SIGMAR1: variants seen among roughly 807,000 people sequenced by gnomAD.
SIGMAR1 encodes the protein SR31747 binding protein 1.
In SIGMAR1, 18 loss-of-function variants were observed where a neutral mutation model predicts 25.4. The observed-to-expected ratio is 0.71, with a 90% CI of 0.49 to 1.05. The LOEUF is 1.05. SIGMAR1 is among the 50% of genes least tolerant of loss of function. The pLI, the probability that SIGMAR1 is intolerant of heterozygous loss-of-function variation, is 0.00. For missense variants in SIGMAR1, 249 were observed against 301.6 expected (o/e 0.83, Z 1.29); for synonymous variants, 125 against 131.6 (o/e 0.95, Z 0.34).
intron 3 of SIGMAR1, among the ~76,000 whole-genome samples, chr9:34,636,125 CCTCA>C (rs772059876): frequency 6.6e-6 from 1 of 151,990 alleles, no homozygotes; most frequent in Non-Finnish European, 1.5e-5. Context: ...CACTCCCAAG[CCTCA>C]CTCGAATCAA....
rs992968446 is a variant in SIGMAR1 at position 34,634,771 on chromosome 9, G to C, written c.*861C>G. The C allele has an allele frequency of 6.6e-6, 1 of 152,158 alleles. No individual in the cohort carries two copies. Among genetic ancestry groups the C allele is most frequent in the African/African-American group, 2.4e-5 (1 of 41,334 alleles). 9.4% of individuals were successfully genotyped at this position (152,158 alleles called of 1,614,324 possible). A position where few individuals can be genotyped will look rare whatever the true frequency, so the allele number is the denominator to read the frequency against. On this transcript the variant is annotated 3_prime_UTR_variant, in exon 4 of 4. Transcript: ENST00000277010. ...TAATAGAAACAGACAGATGGACAGA[G>C]AATGCAGCAGGGGCTGTGTGAAAAC...
rs998601459 is a variant in SIGMAR1, at chr9:34,635,704, G to A, written c.600C>T (p.Phe200=). The A allele has an allele frequency of 6.2e-7, 1 of 1,614,162 alleles. No homozygotes were observed. Among genetic ancestry groups the A allele is most frequent in the African/African-American group, 1.3e-5 (1 of 74,962 alleles). ...VFSTQDFLTL[F]YTLRSYARGL... is the part of the protein sequence containing the mutation. ...CCCGAGCATAGGAGCGAAGAGTATAGAAGAGGGTGAGGAAGTCCTGGGTGC... is the reference window on the plus strand; with the variant it reads ...CCCGAGCATAGGAGCGAAGAGTATAAAAGAGGGTGAGGAAGTCCTGGGTGC... The change falls in exon 4 of 4, where the codon TTC becomes TTT. Residue 200 remains phenylalanine (F), a synonymous_variant. Coordinates refer to ENST00000277010, the MANE Select transcript of SIGMAR1 (RefSeq NM_005866.4). The surrounding 1 kb of genome is among the most constrained non-coding windows in gnomAD (Gnocchi z 4.5).
chr9:34,637,637 C>T lies in SIGMAR1; in HGVS notation c.61G>A (p.Val21Met), dbSNP rs1396152845. ...CAGAGCCAGACGACCTGGGTCAGCACCGCTGCGACAGCCAGGAGCAGCGCG... is the reference window on the plus strand; with the variant it reads ...CAGAGCCAGACGACCTGGGTCAGCATCGCTGCGACAGCCAGGAGCAGCGCG... ...WAALLLAVAA[V>M]LTQVVWLWLG... Residue 21 changes from valine (V) to methionine (M), a missense_variant, in exon 1 of 4, where the codon GTG (valine) becomes ATG (methionine). Coordinates refer to ENST00000277010, the MANE Select transcript of SIGMAR1 (RefSeq NM_005866.4). 4 of 1,539,224 alleles carry T rather than the reference C, an allele frequency of 2.6e-6. No individual in the cohort carries two copies. The highest frequency in any genetic ancestry group is 3.5e-6 in the Non-Finnish European group (4 of 1,147,574).
Position 34,635,602 on chromosome 9 carries a change from A to C in SIGMAR1, c.*30T>G, listed in dbSNP as rs764760106. 1 of 1,613,844 alleles carries C rather than the reference A, an allele frequency of 6.2e-7. No homozygotes were observed. Among genetic ancestry groups the C allele is most frequent in the Non-Finnish European group, 8.5e-7 (1 of 1,179,852 alleles). ...TGTGCGGGCCTGCCCGCTCCTGTCTATCCGCAGGTCTTCCTTCAGGCCTGG... is the reference window on the plus strand; with the variant it reads ...TGTGCGGGCCTGCCCGCTCCTGTCTCTCCGCAGGTCTTCCTTCAGGCCTGG... On this transcript the variant is annotated 3_prime_UTR_variant, in exon 4 of 4. Coordinates refer to ENST00000277010, the MANE Select transcript of SIGMAR1 (RefSeq NM_005866.4). The surrounding 1 kb of genome is among the most constrained non-coding windows in gnomAD (Gnocchi z 4.5).
At position 34,635,903 on chromosome 9, in the gene SIGMAR1, C is replaced by A; in HGVS notation, c.446-45G>T. The A allele has an allele frequency of 1.9e-6, 3 of 1,611,156 alleles. No homozygotes were observed. The highest frequency in any genetic ancestry group is 1.7e-4 in the Middle Eastern group (1 of 6,058). ...CAAGTGAAAAGCCAGCTCTGCCCTG[C>A]CCTTCCATGGCTGCTGCTTCCCTGG... On this transcript the variant is annotated intron_variant, in intron 3 of 3. Transcript: ENST00000277010. This position sits in a 1 kb window ranked among gnomAD's most constrained non-coding sequence, Gnocchi z 4.5.
rs772292887 is a variant in SIGMAR1, at chr9:34,637,427, GA to G, written c.152-8del. 1 of 1,600,960 alleles carries G rather than the reference GA, an allele frequency of 6.2e-7. No individual in the cohort carries two copies. The highest frequency in any genetic ancestry group is 8.5e-7 in the Non-Finnish European group (1 of 1,178,790). ...GCCAGCTCGTGGTCCAGCCCTGGCG[GA>G]GGCAGAGGGGCGGCGGAGTCAGGGC... is the stretch of plus-strand genomic sequence containing the variant. On this transcript the variant is annotated splice_region_variant and splice_polypyrimidine_tract_variant and intron_variant, in intron 1 of 3. Coordinates refer to ENST00000277010, the MANE Select transcript of SIGMAR1 (RefSeq NM_005866.4).
Position 34,637,787 on chromosome 9 carries a change from C to A in SIGMAR1, c.-90G>T, listed in dbSNP as rs916212439. On this transcript the variant is annotated 5_prime_UTR_variant, in exon 1 of 4. Coordinates refer to ENST00000277010, the MANE Select transcript of SIGMAR1 (RefSeq NM_005866.4). ...GGCCTCGGAGCCCGCCGGCTGCCCA[C>A]GAAGCGCTCCCCCGCCACCGCCGTG... The A allele has an allele frequency of 8.1e-6, 8 of 985,616 alleles. No individual in the cohort carries two copies. Among genetic ancestry groups the A allele is most frequent in the African/African-American group, 1.7e-5 (1 of 57,794 alleles). The allele number at this position is 985,616 out of a possible 1,614,324, so 61.1% of individuals were successfully genotyped here.
At chr9:34,636,668 C>G (rs1181635956) in intron 3 of SIGMAR1, 2 of 431,176 alleles carry the variant, frequency 4.6e-6, no homozygotes, top group Non-Finnish European at 8.7e-6. Context: ...AACTGTCTGT[C>G]TTGTCTTTTG....
At position 34,634,811 on chromosome 9, in the gene SIGMAR1, G is replaced by GTGTGTGTGTGTGTATGTGT. The variant is rs1447309098; in HGVS notation, c.*820_*821insACACATACACACACACACA. 7 of 152,660 alleles carry GTGTGTGTGTGTGTATGTGT rather than the reference G, an allele frequency of 4.6e-5. No individual in the cohort carries two copies. The highest frequency in any genetic ancestry group is 1.5e-5 in the Non-Finnish European group (1 of 68,518). The allele number at this position is 152,660 out of a possible 1,614,324, so 9.5% of individuals were successfully genotyped here. On this transcript the variant is annotated 3_prime_UTR_variant, in exon 4 of 4. Coordinates refer to ENST00000277010, the MANE Select transcript of SIGMAR1 (RefSeq NM_005866.4). ...TGTGTGAAAACTGTGATATGTGTGTGTGTGTGTGTGTGTGTATGTGTTGTG... is the reference window on the plus strand; with the variant it reads ...TGTGTGAAAACTGTGATATGTGTGTGTGTGTGTGTGTGTATGTGTTGTGTGTGTGTGTGTATGTGTTGTG...
At chr9:34,636,945 G>A (rs1401137068) in intron 3 of SIGMAR1, 52 bp downstream of exon 3, 2 of 1,463,648 alleles carry the variant, frequency 1.4e-6, no homozygotes, top group African/African-American at 1.4e-5. Context: ...CGCAATTGTG[G>A]GCACCCCCCG....
rs1820797916 is a variant in SIGMAR1, at chr9:34,635,215, G to C, written c.*417C>G. 3.5e-6 allele frequency: 1 copy of C among 283,234 alleles called. No homozygotes were observed. Among genetic ancestry groups the C allele is most frequent in the African/African-American group, 2.2e-5 (1 of 45,776 alleles). The allele number at this position is 283,234 out of a possible 1,614,324, so 17.5% of individuals were successfully genotyped here. On this transcript the variant is annotated 3_prime_UTR_variant, in exon 4 of 4. Transcript: ENST00000277010. This position sits in a 1 kb window ranked among gnomAD's most constrained non-coding sequence, Gnocchi z 4.5. ...CATCCCCTCAAATTGCTGCTGGGTT[G>C]AGGAGTCAGACTGAGGCAGTATAAT... is the stretch of plus-strand genomic sequence containing the variant.
chr9:34,635,332 A>G lies in SIGMAR1; in HGVS notation c.*300T>C. On this transcript the variant is annotated 3_prime_UTR_variant, in exon 4 of 4. Transcript: ENST00000277010. This position sits in a 1 kb window ranked among gnomAD's most constrained non-coding sequence, Gnocchi z 4.5. The stretch of plus-strand genomic sequence containing the variant: ...TGGAAAGGCCTCAGTTAGTGAGTCA[A>G]GCTGTGATGTGTGTGTCTGAACACA... The G allele has an allele frequency of 2.3e-6, 1 of 437,774 alleles. No homozygotes were observed. The highest frequency in any genetic ancestry group is 2.1e-5 in the South Asian group (1 of 47,916). 27.1% of individuals were successfully genotyped at this position (437,774 alleles called of 1,614,324 possible).
intron 3 of SIGMAR1, chr9:34,636,737 C>T (rs756596720): frequency 1.1e-5 from 6 of 569,428 alleles, no homozygotes; most frequent in Non-Finnish European, 1.6e-5. Flanking sequence ...GGAATACTGT[C>T]TGGGCAAAAT....
rs376256711 is a variant in SIGMAR1, at chr9:34,635,780, C to T, written c.524G>A (p.Arg175Gln). 5 of 1,614,210 alleles carry T rather than the reference C, an allele frequency of 3.1e-6. No homozygotes were observed. Among genetic ancestry groups the T allele is most frequent in the Non-Finnish European group, 3.4e-6 (4 of 1,180,034 alleles). ...GPNTWMVEYGRGVIPSTLAFA... is the reference protein window; with the variant it reads ...GPNTWMVEYGQGVIPSTLAFA... The stretch of plus-strand genomic sequence containing the variant: ...GGCCAGGGTGGATGGGATGACGCCC[C>T]GGCCGTACTCCACCATCCATGTGTT... The change falls in exon 4 of 4, where the codon CGG (arginine) becomes CAG (glutamine). Residue 175 changes from arginine (R) to glutamine (Q), a missense_variant. Physicochemically the swap from Arg to Gln is conservative, Grantham distance 43. Coordinates refer to ENST00000277010, the MANE Select transcript of SIGMAR1 (RefSeq NM_005866.4). The surrounding 1 kb of genome is among the most constrained non-coding windows in gnomAD (Gnocchi z 4.5).
In SIGMAR1 at chr9:34,637,711, C is replaced by G. The variant is rs1341260374; in HGVS notation, c.-14G>C. 1 of 1,510,056 alleles carries G rather than the reference C, an allele frequency of 6.6e-7. No individual in the cohort carries two copies. The allele number at this position is 1,510,056 out of a possible 1,614,324, so 93.5% of individuals were successfully genotyped here. On this transcript the variant is annotated 5_prime_UTR_variant, in exon 1 of 4. Coordinates refer to ENST00000277010, the MANE Select transcript of SIGMAR1 (RefSeq NM_005866.4). ...GGCCCACTGCATCCCGGCGGGCGGC[C>G]TGGCACGGCGCAGCTCAGGAGGGAG...
rs1320347383 is a variant in SIGMAR1, at chr9:34,637,413, G to A, written c.159C>T (p.Asp53=). The change falls in exon 2 of 4, where the codon GAC becomes GAT. Residue 53 remains aspartate (D), a synonymous_variant. Transcript: ENST00000277010. ...AQLARQYAGL[D]HELAFSRLIV... The stretch of plus-strand genomic sequence containing the variant: ...TCAGACGAGAGAAGGCCAGCTCGTG[G>A]TCCAGCCCTGGCGGAGGCAGAGGGG... The A allele has an allele frequency of 6.2e-7, 1 of 1,603,244 alleles. No individual in the cohort carries two copies. Among genetic ancestry groups the A allele is most frequent in the Non-Finnish European group, 8.5e-7 (1 of 1,179,342 alleles).
Position 34,635,525 on chromosome 9 carries a change from A to C in SIGMAR1, c.*107T>G. The C allele has an allele frequency of 6.6e-7, 1 of 1,522,272 alleles. No homozygotes were observed. The highest frequency in any genetic ancestry group is 8.9e-7 in the Non-Finnish European group (1 of 1,117,882). The allele number at this position is 1,522,272 out of a possible 1,614,324, so 94.3% of individuals were successfully genotyped here. On this transcript the variant is annotated 3_prime_UTR_variant, in exon 4 of 4. Coordinates refer to ENST00000277010, the MANE Select transcript of SIGMAR1 (RefSeq NM_005866.4). This position sits in a 1 kb window ranked among gnomAD's most constrained non-coding sequence, Gnocchi z 4.5. ...CCTGCTCATACAGCAGGAACTCAGGATCTGCATGGTGTATGTCCCTGTCTG... is the reference window on the plus strand; with the variant it reads ...CCTGCTCATACAGCAGGAACTCAGGCTCTGCATGGTGTATGTCCCTGTCTG...
At position 34,637,573 on chromosome 9, in the gene SIGMAR1, A is replaced by C. The variant is rs1206984068; in HGVS notation, c.125T>G (p.Ile42Arg). The C allele has an allele frequency of 3.8e-6, 6 of 1,578,484 alleles. No homozygotes were observed. The highest frequency in any genetic ancestry group is 5.1e-6 in the Non-Finnish European group (6 of 1,166,682). The change falls in exon 1 of 4, where the codon ATA (isoleucine) becomes AGA (arginine). Residue 42 changes from isoleucine (I) to arginine (R), a missense_variant. Ile to Arg is a moderately conservative substitution (Grantham distance 97). Coordinates refer to ENST00000277010, the MANE Select transcript of SIGMAR1 (RefSeq NM_005866.4). Reference protein sequence around the residue: ...TQSFVFQREEIAQLARQYAGL... With the variant: ...TQSFVFQREERAQLARQYAGL... ...AGCGTACTGCCGCGCCAACTGCGCT[A>C]TCTCTTCGCGCTGGAAGACGAAGCT...
chr9:34,635,442 A>G lies in SIGMAR1; in HGVS notation c.*190T>C, dbSNP rs550033250. On this transcript the variant is annotated 3_prime_UTR_variant, in exon 4 of 4. Coordinates refer to ENST00000277010, the MANE Select transcript of SIGMAR1 (RefSeq NM_005866.4). The surrounding 1 kb of genome is among the most constrained non-coding windows in gnomAD (Gnocchi z 4.5). Reference sequence around the variant, plus strand: ...ACTGTACACACAGGTCTCAGTATCTATATGTGTCTCATTTGTTCCCATGGG... The same window carrying G: ...ACTGTACACACAGGTCTCAGTATCTGTATGTGTCTCATTTGTTCCCATGGG... 1.2e-5 allele frequency: 10 copies of G among 828,088 alleles called. No individual in the cohort carries two copies. The highest frequency in any genetic ancestry group is 5.4e-5 in the East Asian group (2 of 37,230). The allele number at this position is 828,088 out of a possible 1,614,324, so 51.3% of individuals were successfully genotyped here.
Sources: gnomAD v4.1 joint callset for allele counts (sites outside exome capture counted in the v4.1 genomes callset) on GRCh38, gnomAD v4.1.1 for gene constraint, Gnocchi (gnomAD v3.1) non-coding constraint, MANE v1.5 for transcripts, NCBI Gene and HGNC (gene_info 2026-07-23, HGNC 2026-07-21) for gene names.